Variants in CSMD2 observed in about 807,000 individuals in gnomAD.
CSMD2 encodes CUB and sushi domain-containing protein 2.
CSMD2 carries 130 observed loss-of-function variants against 398.5 expected under a neutral mutation model. The ratio of observed to expected loss-of-function variants is 0.33; its 90% CI spans 0.28 to 0.38. The LOEUF is 0.38. CSMD2 is among the 10% of genes least tolerant of loss of function. CSMD2 has a pLI of 1.00. For synonymous variants in CSMD2, 1,828 were observed against 1,908.5 expected (o/e 0.96, Z 1.10); for missense variants, 3,829 against 4,764.9 (o/e 0.80, Z 5.78).
chr1:33,682,604 T>C (rs548412172), intron 25 of CSMD2, among the ~76,000 whole-genome samples: 7 of 152,198 alleles, frequency 4.6e-5, no homozygotes, highest in Non-Finnish European at 1.0e-4. Flanking sequence ...TTAGGAGGGT[T>C]GGATTAGTTG....
intron 1 of CSMD2, among the ~76,000 whole-genome samples, chr1:34,137,924 C>T (rs911161346): frequency 4.6e-5 from 7 of 152,182 alleles, no homozygotes; most frequent in African/African-American, 1.7e-4. Context: ...AATTCAAACC[C>T]CAGTCTGACT....
intron 55 of CSMD2, 99 bp from the exon 56 acceptor site, chr1:33,550,449 G>C: frequency 7.6e-7 from 1 of 1,308,274 alleles, no homozygotes; most frequent in Non-Finnish European, 1.1e-6. Flanking sequence ...CTGGGAAGAA[G>C]AGAAACCCAA....
At chr1:33,679,894 T>C (rs1252717707) in intron 25 of CSMD2, among the ~76,000 whole-genome samples, 1 of 151,010 alleles carries the variant, frequency 6.6e-6, no homozygotes, top group African/African-American at 2.4e-5. Context: ...GTGTCTCTTT[T>C]AATGTTATTT....
At chr1:33,674,868 T>C (rs892729696) in intron 25 of CSMD2, among the ~76,000 whole-genome samples, 2 of 152,114 alleles carry the variant, frequency 1.3e-5, no homozygotes, top group African/African-American at 4.8e-5. Flanking sequence ...ACTGGGTACA[T>C]AACGAAATGA....
At chr1:33,955,057 C>T in intron 3 of CSMD2, among the ~76,000 whole-genome samples, 1 of 152,154 alleles carries the variant, frequency 6.6e-6, no homozygotes, top group East Asian at 1.9e-4. Context: ...CCCGTGGACC[C>T]TGTCTCGCCA....
chr1:34,095,436 A>G (rs1659163593), intron 1 of CSMD2, among the ~76,000 whole-genome samples: 1 of 150,984 alleles, frequency 6.6e-6, no homozygotes, highest in Non-Finnish European at 1.5e-5. Context: ...AAATAGAGAC[A>G]CAAAAAACCC....
intron 21 of CSMD2, among the ~76,000 whole-genome samples, chr1:33,712,752 C>CTAAA (rs1351172682): frequency 6.6e-6 from 1 of 152,164 alleles, no homozygotes; most frequent in Non-Finnish European, 1.5e-5. Flanking sequence ...TTCCCAGAGA[C>CTAAA]TAAAGGAGCT....
chr1:33,597,342 C>T (rs1639909913), intron 44 of CSMD2, among the ~76,000 whole-genome samples: 1 of 152,154 alleles, frequency 6.6e-6, no homozygotes, highest in Admixed American at 6.5e-5. Context: ...TGGAATTCTA[C>T]AACTTTTTGT....
chr1:33,840,303 T>A lies in CSMD2; in HGVS notation c.1033+6581A>T, dbSNP rs150206876. On this transcript the variant is annotated intron_variant, in intron 6 of 70. Transcript: ENST00000373381. ...ATAGCCTATGCGGCCTAAGCAATACTGTTTTCTCTACCTGGGACATTCTTT... is the reference window on the plus strand; with the variant it reads ...ATAGCCTATGCGGCCTAAGCAATACAGTTTTCTCTACCTGGGACATTCTTT... Among the ~76,000 whole-genome samples, 414 of 152,328 alleles carry A rather than the reference T, an allele frequency of 2.7e-3. 4 individuals are homozygous for A. The highest frequency in any genetic ancestry group is 9.1e-3 in the African/African-American group (378 of 41,570).
At chr1:33,667,640 A>G (rs1644359041) in intron 25 of CSMD2, among the ~76,000 whole-genome samples, 1 of 152,196 alleles carries the variant, frequency 6.6e-6, no homozygotes, top group Non-Finnish European at 1.5e-5. Flanking sequence ...AGTCATACGT[A>G]AGCTGATATG....
intron 51 of CSMD2, among the ~76,000 whole-genome samples, chr1:33,571,010 C>T (rs980525275): frequency 5.3e-5 from 8 of 152,226 alleles, no homozygotes; most frequent in African/African-American, 1.2e-4. Context: ...CCAGAGATTC[C>T]GACCTTTGAA....
intron 25 of CSMD2, among the ~76,000 whole-genome samples, chr1:33,680,423 G>A (rs1644868974): frequency 6.6e-6 from 1 of 152,042 alleles, no homozygotes; most frequent in African/African-American, 2.4e-5. Context: ...CATCACGGTA[G>A]AGGCTTCCTT....
intron 40 of CSMD2, among the ~76,000 whole-genome samples, 154 bp from the exon 41 acceptor site, chr1:33,611,404 G>A (rs997562680): frequency 7.2e-5 from 11 of 152,270 alleles, no homozygotes; most frequent in Admixed American, 2.6e-4. Flanking sequence ...GGAATTGCCC[G>A]TCCAGCCAAG....
At chr1:33,545,767 G>T (rs560927610) in intron 57 of CSMD2, among the ~76,000 whole-genome samples, 3 of 152,332 alleles carry the variant, frequency 2.0e-5, no homozygotes, top group African/African-American at 7.2e-5. Context: ...GATGCTGAAT[G>T]AAACTATATG....
At chr1:33,574,138 C>T (rs1048109633) in intron 49 of CSMD2, among the ~76,000 whole-genome samples, 4 of 152,134 alleles carry the variant, frequency 2.6e-5, no homozygotes, top group Non-Finnish European at 5.9e-5. Flanking sequence ...CTTGTGAACC[C>T]TTTCTGAGGA....
chr1:33,592,347 C>G, intron 44 of CSMD2: 1 of 714,698 alleles, frequency 1.4e-6, no homozygotes, highest in Non-Finnish European at 2.6e-6. Flanking sequence ...CTCTTGGGTC[C>G]TATTTCAACT....
chr1:34,153,012 CCTTT>C (rs1337824782), intron 1 of CSMD2, among the ~76,000 whole-genome samples: 2 of 152,202 alleles, frequency 1.3e-5, no homozygotes, highest in African/African-American at 4.8e-5. Context: ...GTAACTGGCT[CCTTT>C]CTTTTTAATT....
chr1:33,805,124 C>A (rs1458897496), intron 10 of CSMD2, among the ~76,000 whole-genome samples: 1 of 152,226 alleles, frequency 6.6e-6, no homozygotes, highest in African/African-American at 2.4e-5. Context: ...AAGGCTAGGC[C>A]TTCTGGGGGT....
intron 5 of CSMD2, chr1:33,863,308 G>C (rs996421023): frequency 6.6e-6 from 1 of 152,172 alleles, no homozygotes; most frequent in Non-Finnish European, 1.5e-5. Context: ...CCAGAAGCCG[G>C]CCAGTTTGAG....
Sources: gnomAD v4.1 joint callset for allele counts (sites outside exome capture counted in the v4.1 genomes callset) on GRCh38, gnomAD v4.1.1 for gene constraint, MANE v1.5 for transcripts, NCBI Gene and HGNC (gene_info 2026-07-23, HGNC 2026-07-21) for gene names.